The following FASN variants were observed in gnomAD, a reference collection of about 807,000 sequenced individuals.
FASN encodes 3-hydroxyacyl-[acyl-carrier-protein] dehydratase.
Under a neutral mutation model 250.0 loss-of-function variants are expected in FASN, and 50 were observed. That is an observed-to-expected ratio of 0.20 (90% CI 0.16 to 0.25). The LOEUF is 0.25. Ranked by LOEUF, FASN falls within the 10% of genes least tolerant of loss-of-function variation. The pLI is 1.00. For missense variants in FASN, 3,031 were observed against 3,498.5 expected (o/e 0.87, Z 3.37); for synonymous variants, 1,909 against 1,584.0 (o/e 1.21, Z -4.87).
In FASN at chr17:82,082,650, C is replaced by G; in HGVS notation, c.5796G>C (p.Trp1932Cys). 1.2e-6 allele frequency: 2 copies of G among 1,610,304 alleles called. No homozygotes were observed. Among genetic ancestry groups the G allele is most frequent in the Non-Finnish European group, 1.7e-6 (2 of 1,179,880 alleles). ...TGYQAKQVRR[W>C]RRQGVQVQVS... ...CCTGCACCTGTACGCCCTGGCGCCT[C>G]CACCGGCGGACCTGCTTGGCCTGGT... Residue 1932 changes from tryptophan to cysteine, a missense_variant, in exon 34 of 43, where the codon TGG (tryptophan) becomes TGC (cysteine). Physicochemically the swap from Trp to Cys is radical, Grantham distance 215. Coordinates refer to ENST00000306749, the MANE Select transcript of FASN (RefSeq NM_004104.5).
chr17:82,079,316 C>A, intron 42 of FASN, 36 bp from the exon 43 acceptor site: 8 of 1,613,026 alleles, frequency 5.0e-6, no homozygotes, highest in Non-Finnish European at 6.8e-6. Context: ...TCCCACCCCA[C>A]TCCTGTCCCT....
rs772087828 is a variant in FASN, at chr17:82,092,545, G to A, written c.939C>T (p.Cys313=). 22 of 1,605,528 alleles carry A rather than the reference G, an allele frequency of 1.4e-5. No homozygotes were observed. Among genetic ancestry groups the A allele is most frequent in the East Asian group, 6.7e-5 (3 of 44,704 alleles). Residue 313 remains cysteine, a synonymous_variant, in exon 8 of 43, where the codon TGC becomes TGT. Transcript: ENST00000306749. ...QELNGITRAL[C]ATRQEPLLIG... The stretch of plus-strand genomic sequence containing the variant: ...TGAGCAGCGGCTCCTGGCGGGTGGC[G>A]CACAGGGCTCGGGTGATGCCATTCA...
In FASN at chr17:82,092,751, G is replaced by C; in HGVS notation, c.840C>G (p.Ala280=). 1 of 1,605,562 alleles carries C rather than the reference G, an allele frequency of 6.2e-7. No individual in the cohort carries two copies. The highest frequency in any genetic ancestry group is 8.5e-7 in the Non-Finnish European group (1 of 1,177,762). The change falls in exon 7 of 43, where the codon GCC becomes GCG. Residue 280 remains alanine, a synonymous_variant. Transcript: ENST00000306749. ...EQLIRSLYQS[A]GVAPESFEYI... is the part of the protein sequence containing the mutation. Reference sequence around the variant, plus strand: ...ATTCAAATGACTCAGGGGCCACTCCGGCCGACTGGTACAACGAGCGGATGA... The same window carrying C: ...ATTCAAATGACTCAGGGGCCACTCCCGCCGACTGGTACAACGAGCGGATGA...
rs747125856 is a variant in FASN at position 82,092,555 on chromosome 17, C to T, written c.929G>A (p.Arg310Gln). 6 of 1,606,700 alleles carry T rather than the reference C, an allele frequency of 3.7e-6. No homozygotes were observed. In the African/African-American group the frequency reaches 4.0e-5, roughly 11 times the overall value. Reference sequence around the variant, plus strand: ...CTCCTGGCGGGTGGCGCACAGGGCTCGGGTGATGCCATTCAGCTCCTGGGG... The same window carrying T: ...CTCCTGGCGGGTGGCGCACAGGGCTTGGGTGATGCCATTCAGCTCCTGGGG... The part of the protein sequence containing the change: ...GDPQELNGIT[R>Q]ALCATRQEPL... Residue 310 changes from arginine to glutamine, a missense_variant, in exon 8 of 43, where the codon CGA (arginine) becomes CAA (glutamine). By Grantham distance (43) the Arg-to-Gln change is conservative (BLOSUM62 1). Coordinates refer to ENST00000306749, the MANE Select transcript of FASN (RefSeq NM_004104.5).
intron 12 of FASN, 39 bp from the exon 13 acceptor site, chr17:82,089,423 G>C: frequency 6.2e-7 from 1 of 1,612,562 alleles, no homozygotes; most frequent in Non-Finnish European, 8.5e-7. Context: ...TCCTGGCTGG[G>C]CACCCACCTC....
At position 82,078,972 on chromosome 17, in the gene FASN, C is replaced by T. The variant is rs1044864237; in HGVS notation, c.*171G>A. 46 of 761,194 alleles carry T rather than the reference C, an allele frequency of 6.0e-5. No individual in the cohort carries two copies. The highest frequency in any genetic ancestry group is 2.6e-4 in the African/African-American group (15 of 57,072). 47.2% of individuals were successfully genotyped at this position (761,194 alleles called of 1,614,324 possible). A position where few individuals can be genotyped will look rare whatever the true frequency, so the allele number is the denominator to read the frequency against. Reference sequence around the variant, plus strand: ...GTCCCCGAGGTGCCGTGGGAGGCGGCGGGTGGGTGGGACATGCCTAACACC... The same window carrying T: ...GTCCCCGAGGTGCCGTGGGAGGCGGTGGGTGGGTGGGACATGCCTAACACC... On this transcript the variant is annotated 3_prime_UTR_variant, in exon 43 of 43. Coordinates refer to ENST00000306749, the MANE Select transcript of FASN (RefSeq NM_004104.5). This position sits in a 1 kb window ranked among gnomAD's most constrained non-coding sequence, Gnocchi z 5.4.
chr17:82,081,627 A>G lies in FASN; in HGVS notation c.6380T>C (p.Leu2127Pro). 2 of 1,612,722 alleles carry G rather than the reference A, an allele frequency of 1.2e-6. No homozygotes were observed. The highest frequency in any genetic ancestry group is 1.7e-6 in the Non-Finnish European group (2 of 1,179,994). ...CAGGATGTGTGCCACGGCCTCCACC[A>G]GGTCCCGCTGGCTGTCCCTGTCCCT... is the stretch of plus-strand genomic sequence containing the variant. ...AYRDRDSQRD[L>P]VEAVAHILGI... Residue 2127 changes from leucine to proline, a missense_variant, in exon 37 of 43, where the codon CTG becomes CCG. Physicochemically the swap from Leu to Pro is moderately conservative, Grantham distance 98. Transcript: ENST00000306749.
intron 27 of FASN, 38 bp downstream of exon 27, chr17:82,084,475 C>A: frequency 6.3e-7 from 1 of 1,589,404 alleles, no homozygotes; most frequent in Non-Finnish European, 8.6e-7. Context: ...CTCTGCTCCC[C>A]GGCCCAGTCC....
In FASN at chr17:82,083,631, G is replaced by T; in HGVS notation, c.5227C>A (p.Leu1743Met). Reference sequence around the variant, plus strand: ...TCTTCCGCCAAGGAGTTCAAGACCAGGTCAACGCCTAGGGGGCCAGAGGGG... The same window carrying T: ...TCTTCCGCCAAGGAGTTCAAGACCATGTCAACGCCTAGGGGGCCAGAGGGG... ...LWHTGGKGVD[L>M]VLNSLAEEKL... Residue 1743 changes from leucine to methionine, a missense_variant, in exon 31 of 43, where the codon CTG (leucine) becomes ATG (methionine). Physicochemically the swap from Leu to Met is conservative, Grantham distance 15 (BLOSUM62 2). Coordinates refer to ENST00000306749, the MANE Select transcript of FASN (RefSeq NM_004104.5). The T allele has an allele frequency of 6.2e-7, 1 of 1,608,926 alleles. No homozygotes were observed. Among genetic ancestry groups the T allele is most frequent in the Non-Finnish European group, 8.5e-7 (1 of 1,178,380 alleles).
rs778156553 is a variant in FASN at position 82,083,569 on chromosome 17, G to A, written c.5289C>T (p.His1763=). ...ATTTGCCAATTTCCAGGAAGCGACC[G>A]TGCGTAGCCAAGCACCTCACGCTGG... ...LQASVRCLAT[H]GRFLEIGKFD... The change falls in exon 31 of 43, where the codon CAC becomes CAT. Residue 1763 remains histidine (H), a synonymous_variant. Coordinates refer to ENST00000306749, the MANE Select transcript of FASN (RefSeq NM_004104.5). The A allele has an allele frequency of 4.4e-5, 71 of 1,612,776 alleles. No individual in the cohort carries two copies. Among genetic ancestry groups the A allele is most frequent in the East Asian group, 8.9e-5 (4 of 44,882 alleles).
chr17:82,079,124 G>C lies in FASN; in HGVS notation c.*19C>G, dbSNP rs750052743. 2.5e-6 allele frequency: 4 copies of C among 1,606,640 alleles called. No individual in the cohort carries two copies. Among genetic ancestry groups the C allele is most frequent in the Non-Finnish European group, 2.5e-6 (3 of 1,179,390 alleles). ...TGGGGATGGTGGAGTGACCTCCGGTGGCAGGCGGGGGCACGGGCCTAGCCC... is the reference window on the plus strand; with the variant it reads ...TGGGGATGGTGGAGTGACCTCCGGTCGCAGGCGGGGGCACGGGCCTAGCCC... On this transcript the variant is annotated 3_prime_UTR_variant, in exon 43 of 43. Coordinates refer to ENST00000306749, the MANE Select transcript of FASN (RefSeq NM_004104.5).
rs569723911 is a variant in FASN, at chr17:82,084,100, G to A, written c.4973C>T (p.Ala1658Val). ...GCGCACCCGCCCACGCACCACCAGC[G>A]CGTAGTAGGCCGTGCTGTAGACGAC... ...VPVVYSTAYY[A>V]LVVRGRVRPG... is the part of the protein sequence containing the mutation. Residue 1658 changes from alanine (A) to valine (V), a missense_variant, in exon 29 of 43, where the codon GCG becomes GTG. Transcript: ENST00000306749. 8.9e-6 allele frequency: 14 copies of A among 1,569,846 alleles called. No individual in the cohort carries two copies. Among genetic ancestry groups the A allele is most frequent in the South Asian group, 5.8e-5 (5 of 85,942 alleles).
intron 2 of FASN, among the ~76,000 whole-genome samples, chr17:82,095,675 A>ACAAGCCC (rs370176873): frequency 0.019 from 2,899 of 152,280 alleles, 83 homozygotes; most frequent in African/African-American, 0.066. Context: ...GATCTGCTGC[A>ACAAGCCC]CAAGCCCCAA....
intron 2 of FASN, 32 bp downstream of exon 2, chr17:82,096,287 C>A (rs759997230): frequency 3.1e-6 from 5 of 1,609,718 alleles, no homozygotes; most frequent in African/African-American, 1.3e-5. Context: ...GAGCTTCACA[C>A]CCCAGGCACG....
intron 10 of FASN, 117 bp downstream of exon 10, chr17:82,090,765 T>C: frequency 8.0e-7 from 1 of 1,243,154 alleles, no homozygotes. Context: ...AGCACAAGGC[T>C]CTGCCTAGCA....
At position 82,082,576 on chromosome 17, in the gene FASN, G is replaced by T; in HGVS notation, c.5870C>A (p.Ala1957Asp). The change falls in exon 34 of 43, where the codon GCC becomes GAC. Residue 1957 changes from alanine (A) to aspartate (D), a missense_variant. By Grantham distance (126) the Ala-to-Asp change is moderately radical. Transcript: ENST00000306749. ...SSLEGARGLI[A>D]EAAQLGPVGG... ...CACGGGCCCAAGCTGCGCCGCCTCG[G>T]CAATGAGGCCCCGGGCCCCCTCCAG... 6.2e-7 allele frequency: 1 copy of T among 1,609,632 alleles called. No homozygotes were observed. Among genetic ancestry groups the T allele is most frequent in the Non-Finnish European group, 8.5e-7 (1 of 1,179,852 alleles).
intron 19 of FASN, 68 bp from the exon 20 acceptor site, chr17:82,087,572 G>T: frequency 3.1e-6 from 5 of 1,601,852 alleles, no homozygotes; most frequent in East Asian, 2.2e-5. Context: ...AGAGCCCACC[G>T]GGCCCCTCTG....
chr17:82,088,816 G>A lies in FASN; in HGVS notation c.2365C>T (p.His789Tyr), dbSNP rs1384884525. Residue 789 changes from histidine to tyrosine, a missense_variant, in exon 15 of 43, where the codon CAC (histidine) becomes TAC (tyrosine). Transcript: ENST00000306749. ...AGGAAGAACTCCAGGTTGTCCCTGT[G>A]ATCCTTCTTCATCAGGGGGATGATG... Reference protein sequence around the residue: ...CTIIPLMKKDHRDNLEFFLAG... With the variant: ...CTIIPLMKKDYRDNLEFFLAG... 1 of 1,612,584 alleles carries A rather than the reference G, an allele frequency of 6.2e-7. No homozygotes were observed. The highest frequency in any genetic ancestry group is 8.5e-7 in the Non-Finnish European group (1 of 1,179,822).
At chr17:82,079,874 A>G (rs1169746704) in intron 41 of FASN, 3 of 626,784 alleles carry the variant, frequency 4.8e-6, no homozygotes, top group Non-Finnish European at 8.3e-6. Context: ...TGCCTGGCTA[A>G]TTTTTGTATT....
Sources: gnomAD v4.1 joint callset for allele counts (sites outside exome capture counted in the v4.1 genomes callset) on GRCh38, gnomAD v4.1.1 for gene constraint, Gnocchi (gnomAD v3.1) non-coding constraint, MANE v1.5 for transcripts, NCBI Gene and HGNC (gene_info 2026-07-23, HGNC 2026-07-21) for gene names.